Variants in PVT1 observed in about 807,000 individuals in gnomAD.
The protein encoded by PVT1 is Pvt1 oncogene.
intron 2 of PVT1, among the ~76,000 whole-genome samples, chr8:127,824,079 G>C (rs1814761450): frequency 6.6e-6 from 1 of 152,150 alleles, no homozygotes; most frequent in Admixed American, 6.6e-5. Context: ...TGTGGTCCTA[G>C]CTGAGGTGAG....
At chr8:127,977,400 A>T (rs1407837124) in intron 3 of PVT1, among the ~76,000 whole-genome samples, 1 of 152,154 alleles carries the variant, frequency 6.6e-6, no homozygotes, top group Non-Finnish European at 1.5e-5. Context: ...TGCAGGAGAT[A>T]CCTGAAGAAA....
intron 3 of PVT1, among the ~76,000 whole-genome samples, chr8:127,962,006 G>A (rs1208272217): frequency 6.6e-6 from 1 of 152,326 alleles, no homozygotes; most frequent in South Asian, 2.1e-4. Context: ...ACGGAGTCTC[G>A]CTCTGTCGCC....
At chr8:128,083,068 G>GC (rs1814207803) in intron 5 of PVT1, among the ~76,000 whole-genome samples, 1 of 152,180 alleles carries the variant, frequency 6.6e-6, no homozygotes, top group Non-Finnish European at 1.5e-5. Context: ...AAGTTCCAGA[G>GC]CAAGAGTTCC....
intron 3 of PVT1, among the ~76,000 whole-genome samples, chr8:127,931,851 C>T (rs976461439): frequency 3.3e-5 from 5 of 152,268 alleles, no homozygotes; most frequent in South Asian, 2.1e-4. Flanking sequence ...TCCCCAAATA[C>T]GGCCAGGGCC....
intron 3 of PVT1, among the ~76,000 whole-genome samples, chr8:127,975,710 A>G (rs2129971066): frequency 6.6e-6 from 1 of 152,204 alleles, no homozygotes; most frequent in South Asian, 2.1e-4. Flanking sequence ...TTGTCCCCCT[A>G]GATTTGTCTT....
chr8:127,834,441 A>G (rs1178121647), intron 2 of PVT1, among the ~76,000 whole-genome samples: 1 of 152,208 alleles, frequency 6.6e-6, no homozygotes, highest in Admixed American at 6.5e-5. Context: ...AAAGGCTTAA[A>G]CATAAGACCT....
intron 2 of PVT1, among the ~76,000 whole-genome samples, chr8:127,801,874 A>G (rs1263697950): frequency 2.7e-5 from 4 of 149,960 alleles, no homozygotes; most frequent in Non-Finnish European, 5.9e-5. Flanking sequence ...CTTAGTGAGA[A>G]GAGTAAGATA....
intron 3 of PVT1, among the ~76,000 whole-genome samples, chr8:127,899,501 C>T (rs1243227828): frequency 6.6e-6 from 1 of 152,198 alleles, no homozygotes; most frequent in Non-Finnish European, 1.5e-5. Context: ...GGGTGACAGT[C>T]CTCGTCTTGT....
chr8:127,860,224 C>T (rs376326932), intron 2 of PVT1, among the ~76,000 whole-genome samples: 23 of 152,298 alleles, frequency 1.5e-4, no homozygotes, highest in African/African-American at 4.8e-4. Context: ...AGGAGGCCGG[C>T]TCCTGGCAGA....
At chr8:128,065,956 C>T (rs1813906191) in intron 4 of PVT1, among the ~76,000 whole-genome samples, 1 of 152,226 alleles carries the variant, frequency 6.6e-6, no homozygotes, top group African/African-American at 2.4e-5. Context: ...AGAACCTAGT[C>T]TGTGACACAG....
intron 4 of PVT1, among the ~76,000 whole-genome samples, chr8:128,012,878 G>T (rs1817329244): frequency 6.6e-6 from 1 of 152,136 alleles, no homozygotes; most frequent in African/African-American, 2.4e-5. Flanking sequence ...TCTAGAGAGG[G>T]ATCTGGGCTT....
intron 3 of PVT1, chr8:127,948,183 CGGTGG>C: frequency 2.8e-6 from 1 of 355,504 alleles, no homozygotes; most frequent in Non-Finnish European, 5.5e-6. Flanking sequence ...CAGTATTGTG[CGGTGG>C]CTGTGGATGG....
chr8:127,961,945 G>T (rs935094642), intron 3 of PVT1, among the ~76,000 whole-genome samples: 1 of 152,210 alleles, frequency 6.6e-6, no homozygotes, highest in Admixed American at 6.5e-5. Flanking sequence ...CATTCTCCAG[G>T]TTTGTTGTGA....
chr8:127,801,889 ATTATTTATTTATTTATTTATTTAT>A (rs56208015), intron 2 of PVT1, among the ~76,000 whole-genome samples: 2 of 147,488 alleles, frequency 1.4e-5, no homozygotes, highest in South Asian at 2.2e-4. Context: ...AAGATATCTC[ATTATTTATTTATTTATTTATTTAT>A]TTATTTATTT....
At chr8:127,872,767 A>C (rs1241327463) in intron 2 of PVT1, among the ~76,000 whole-genome samples, 2 of 152,198 alleles carry the variant, frequency 1.3e-5, no homozygotes, top group Non-Finnish European at 2.9e-5. Context: ...CAGGTCTCAC[A>C]TGGGGGACAG....
chr8:127,977,116 A>G (rs527793264), intron 3 of PVT1, among the ~76,000 whole-genome samples: 171 of 152,180 alleles, frequency 1.1e-3, no homozygotes, highest in Non-Finnish European at 7.4e-5. Context: ...TCCCTTTCTT[A>G]TTGTCCTCAT....
intron 3 of PVT1, among the ~76,000 whole-genome samples, chr8:127,933,736 T>C (rs1490513003): frequency 6.6e-6 from 1 of 151,988 alleles, no homozygotes; most frequent in East Asian, 1.9e-4. Flanking sequence ...TCTCTGGGAG[T>C]GGCCATTTCT....
chr8:128,004,750 CCT>C (rs776237443), intron 4 of PVT1, among the ~76,000 whole-genome samples: 1 of 152,178 alleles, frequency 6.6e-6, no homozygotes, highest in Non-Finnish European at 1.5e-5. Context: ...AGTTACTTTC[CCT>C]CTCTGATTTT....
chr8:127,900,162 C>A (rs900479442), intron 3 of PVT1, among the ~76,000 whole-genome samples: 5 of 152,158 alleles, frequency 3.3e-5, no homozygotes, highest in Non-Finnish European at 2.9e-5. Context: ...CTGCCTCAGC[C>A]TCCTGAGTAG....
Sources: gnomAD v4.1 joint callset for allele counts (sites outside exome capture counted in the v4.1 genomes callset) on GRCh38, gnomAD v4.1.1 for gene constraint, MANE v1.5 for transcripts, NCBI Gene and HGNC (gene_info 2026-07-23, HGNC 2026-07-21) for gene names.